Variants in ATAD5 observed in about 807,000 individuals in gnomAD.
The protein encoded by ATAD5 is ATPase family AAA domain-containing protein 5.
In ATAD5, 58 loss-of-function variants were observed where a neutral mutation model predicts 176.9. The observed-to-expected ratio is 0.33, with a 90% CI of 0.27 to 0.41. ATAD5 has a LOEUF of 0.41. Among genes scored for constraint, ATAD5 ranks in the 10% least tolerant of loss-of-function variants. The probability of loss-of-function intolerance (pLI) is 1.00; values close to 1 mark genes in which losing one functional copy is unlikely to be tolerated. For synonymous variants in ATAD5, 640 were observed against 712.6 expected (o/e 0.90, Z 1.62); for missense variants, 1,789 against 2,094.1 (o/e 0.85, Z 2.84).
intron 6 of ATAD5, among the ~76,000 whole-genome samples, chr17:30,853,478 A>T (rs553332741): frequency 1.3e-4 from 20 of 152,172 alleles, no homozygotes; most frequent in African/African-American, 4.8e-4. Flanking sequence ...AAAAAAATAC[A>T]CTTCTTCTTT....
In ATAD5 at chr17:30,894,863, C is replaced by G; in HGVS notation, c.5485C>G (p.Leu1829Val). The G allele has an allele frequency of 6.3e-7, 1 of 1,595,076 alleles. No individual in the cohort carries two copies. The highest frequency in any genetic ancestry group is 8.5e-7 in the Non-Finnish European group (1 of 1,174,912). ...RFLHYFEGIH[L>V]DIPKETVNTL... ...CCTGCACTATTTTGAAGGAATTCAT[C>G]TTGACATTCCAAAAGAGACTGTGAA... The change falls in exon 23 of 23, where the codon CTT becomes GTT. Residue 1829 changes from leucine (L) to valine (V), a missense_variant. Around this residue, in one of 6 missense-constraint regions of ATAD5, gnomAD observed 403 missense variants for 495.1 expected, o/e 0.81. Coordinates refer to ENST00000321990, the MANE Select transcript of ATAD5 (RefSeq NM_024857.5).
Position 30,894,613 on chromosome 17 carries a change from T to A in ATAD5, c.5347T>A (p.Ser1783Thr). The A allele has an allele frequency of 6.2e-7, 1 of 1,613,424 alleles. No homozygotes were observed. Among genetic ancestry groups the A allele is most frequent in the South Asian group, 1.1e-5 (1 of 91,028 alleles). The change falls in exon 22 of 23, where the codon TCT becomes ACT. Residue 1783 changes from serine (S) to threonine (T), a missense_variant. Around this residue, in one of 6 missense-constraint regions of ATAD5, gnomAD observed 403 missense variants for 495.1 expected, o/e 0.81. Coordinates refer to ENST00000321990, the MANE Select transcript of ATAD5 (RefSeq NM_024857.5). ...SVIKSVFSSR[S>T]LLYVGNRQAS... is the part of the protein sequence containing the mutation. Reference sequence around the variant, plus strand: ...CATTAAAAGTGTATTTTCGAGTCGATCTCTTCTCTATGTGGGTAATAGACA... The same window carrying A: ...CATTAAAAGTGTATTTTCGAGTCGAACTCTTCTCTATGTGGGTAATAGACA...
At position 30,893,336 on chromosome 17, in the gene ATAD5, C is replaced by T; in HGVS notation, c.4483C>T (p.Leu1495Phe). Residue 1495 changes from leucine (L) to phenylalanine (F), a missense_variant, in exon 21 of 23, where the codon CTT (leucine) becomes TTT (phenylalanine). Physicochemically the swap from Leu to Phe is conservative, Grantham distance 22 (BLOSUM62 0). Coordinates refer to ENST00000321990, the MANE Select transcript of ATAD5 (RefSeq NM_024857.5). ...MKEEWHKFIQLLTEFQMRNVD... is the reference protein window; with the variant it reads ...MKEEWHKFIQFLTEFQMRNVD... ...GGAAGAATGGCATAAATTCATCCAG[C>T]TTCTTACAGAATTCCAAATGCGGAA... is the stretch of plus-strand genomic sequence containing the variant. 1.9e-6 allele frequency: 3 copies of T among 1,586,980 alleles called. No homozygotes were observed. The highest frequency in any genetic ancestry group is 2.6e-6 in the Non-Finnish European group (3 of 1,169,576).
At chr17:30,867,159 G>A (rs189324578) in intron 11 of ATAD5, among the ~76,000 whole-genome samples, 128 of 150,908 alleles carry the variant, frequency 8.5e-4, no homozygotes, top group African/African-American at 2.9e-3. Flanking sequence ...CAGTGCTTTC[G>A]TAAGCTGAGG....
At chr17:30,859,006 G>A (rs1907458414) in intron 9 of ATAD5, among the ~76,000 whole-genome samples, 2 of 152,170 alleles carry the variant, frequency 1.3e-5, no homozygotes, top group African/African-American at 4.8e-5. Context: ...AAAGTGCTGG[G>A]ATTACAGGCA....
Position 30,875,437 on chromosome 17 carries a change from CTTCT to C in ATAD5, c.3608-930_3608-927del, listed in dbSNP as rs529175833. Among the ~76,000 whole-genome samples the C allele has an allele frequency of 3.7e-3, 565 of 152,230 alleles. 8 individuals carry two copies. Among genetic ancestry groups the C allele is most frequent in the South Asian group, 0.012 (59 of 4,792 alleles). ...TATACTGTTATTTTCCCTCCACCCT[CTTCT>C]TTCTTTAAGCAGGTGTAGAAAAAAA... is the stretch of plus-strand genomic sequence containing the variant. On this transcript the variant is annotated intron_variant, in intron 14 of 22. Coordinates refer to ENST00000321990, the MANE Select transcript of ATAD5 (RefSeq NM_024857.5).
chr17:30,848,041 T>C (rs906925610), intron 6 of ATAD5, among the ~76,000 whole-genome samples: 3 of 152,148 alleles, frequency 2.0e-5, no homozygotes, highest in Non-Finnish European at 2.9e-5. Context: ...AACATTCTTA[T>C]ACACATGTAT....
intron 6 of ATAD5, among the ~76,000 whole-genome samples, chr17:30,845,233 T>C (rs140678343): frequency 2.6e-5 from 4 of 152,322 alleles, no homozygotes; most frequent in African/African-American, 9.6e-5. Flanking sequence ...AGAGATATTA[T>C]GGGGATAAGA....
chr17:30,849,789 A>G (rs1906758299), intron 6 of ATAD5, among the ~76,000 whole-genome samples: 1 of 152,172 alleles, frequency 6.6e-6, no homozygotes, highest in African/African-American at 2.4e-5. Flanking sequence ...GGTTTGACAA[A>G]CCTAACATTT....
chr17:30,842,611 A>G (rs1437645132), intron 4 of ATAD5, among the ~76,000 whole-genome samples: 1 of 152,138 alleles, frequency 6.6e-6, no homozygotes, highest in Non-Finnish European at 1.5e-5. Context: ...ACTTCATTAC[A>G]TTTCTAGGAT....
intron 18 of ATAD5, among the ~76,000 whole-genome samples, chr17:30,885,363 G>A (rs1287395201): frequency 6.6e-6 from 1 of 152,010 alleles, no homozygotes; most frequent in African/African-American, 2.4e-5. Flanking sequence ...AGGTTTTTCT[G>A]TGTACTCAAT....
chr17:30,860,499 C>A lies in ATAD5; in HGVS notation c.3023C>A (p.Ser1008Ter). ...CTCGTAGAAGCAGAAAATTCTAAGT[C>A]AAAAAGAAAGAAACCAAATGAGTAT... is the stretch of plus-strand genomic sequence containing the variant. ...RKLVEAENSK[S>*]KRKKPNEYSK... The change falls in exon 10 of 23, where the codon TCA becomes TAA. Residue 1008 changes from serine to a stop codon, truncating the protein, a stop_gained. Transcript: ENST00000321990. LOFTEE classifies it high-confidence loss of function. 1 of 1,600,378 alleles carries A rather than the reference C, an allele frequency of 6.2e-7. No individual in the cohort carries two copies. The highest frequency in any genetic ancestry group is 1.1e-5 in the South Asian group (1 of 87,930).
In ATAD5 at chr17:30,834,430, G is replaced by A. The variant is rs781362252; in HGVS notation, c.349G>A (p.Val117Ile). 15 of 1,597,854 alleles carry A rather than the reference G, an allele frequency of 9.4e-6. No homozygotes were observed. Among genetic ancestry groups the A allele is most frequent in the Middle Eastern group, 1.7e-4 (1 of 6,014 alleles). The change falls in exon 2 of 23, where the codon GTT becomes ATT. Residue 117 changes from valine to isoleucine, a missense_variant. Transcript: ENST00000321990. The stretch of plus-strand genomic sequence containing the variant: ...AGAGTTTAAGAAGAAAAGAAAGAGG[G>A]TTAATTTATCTCATCAACTAAATAA... ...NVEFKKKRKRVNLSHQLNNIK... is the reference protein window; with the variant it reads ...NVEFKKKRKRINLSHQLNNIK...
chr17:30,886,052 T>A (rs926882049), intron 18 of ATAD5, among the ~76,000 whole-genome samples: 3 of 152,168 alleles, frequency 2.0e-5, no homozygotes, highest in Admixed American at 6.6e-5. Flanking sequence ...TTTCTAATGA[T>A]AAACCCCCCT....
intron 10 of ATAD5, among the ~76,000 whole-genome samples, chr17:30,862,545 G>A (rs111494793): frequency 1.6e-3 from 246 of 152,090 alleles, no homozygotes; most frequent in African/African-American, 5.1e-3. Context: ...GGATTCAAGC[G>A]ATTCTCCTGC....
chr17:30,850,857 ATATATATATATATTTTTTTTTTTTTTT>A (rs1906884599), intron 6 of ATAD5, among the ~76,000 whole-genome samples: 7 of 32,238 alleles, frequency 2.2e-4, no homozygotes, highest in Non-Finnish European at 4.4e-4. Context: ...ATATATATAT[ATATATATATATATTTTTTTTTTTTTTT>A]TTTTTTTTTT....
intron 6 of ATAD5, among the ~76,000 whole-genome samples, chr17:30,845,259 G>C (rs888353183): frequency 1.3e-5 from 2 of 152,188 alleles, no homozygotes; most frequent in African/African-American, 4.8e-5. Flanking sequence ...CACATTCCCT[G>C]TCCTCCTGTG....
intron 6 of ATAD5, among the ~76,000 whole-genome samples, chr17:30,845,310 A>G (rs1200042916): frequency 6.6e-6 from 1 of 152,174 alleles, no homozygotes. Context: ...TTAAACATTC[A>G]TTGGGTCAAC....
chr17:30,858,078 G>T, intron 8 of ATAD5, 83 bp from the exon 9 acceptor site: 1 of 1,222,420 alleles, frequency 8.2e-7, no homozygotes, highest in South Asian at 2.2e-5. Flanking sequence ...GATTTATGAT[G>T]GACAGAAAGT....
Sources: gnomAD v4.1 joint callset for allele counts (sites outside exome capture counted in the v4.1 genomes callset) on GRCh38, gnomAD v4.1.1 for gene constraint, gnomAD v4.1.1 regional missense constraint, MANE v1.5 for transcripts, NCBI Gene and HGNC (gene_info 2026-07-23, HGNC 2026-07-21) for gene names.